BAP1: variants seen among roughly 807,000 people sequenced by gnomAD.
BAP1 encodes the protein ubiquitin carboxyl-terminal hydrolase BAP1.
A neutral mutation model predicts 77.2 loss-of-function variants in BAP1; 16 were observed. The ratio of observed to expected loss-of-function variants is 0.21; its 90% confidence interval spans 0.14 to 0.31. BAP1 has a LOEUF of 0.31. Ranked by LOEUF, BAP1 falls within the 10% of genes least tolerant of loss-of-function variation. The probability of loss-of-function intolerance (pLI) is 1.00; values close to 1 mark genes in which losing one functional copy is unlikely to be tolerated. For synonymous variants in BAP1, 362 were observed against 385.2 expected, an observed-to-expected ratio of 0.94 and a Z score of 0.71; for missense variants, 699 against 967.3, an observed-to-expected ratio of 0.72 and a Z score of 3.68.
chr3:52,405,948 T>G (rs752537268), intron 9 of BAP1, 36 bp from the exon 10 acceptor site: 1 of 1,613,010 alleles, frequency 6.2e-7, no homozygotes, highest in Non-Finnish European at 8.5e-7. Context: ...GGAGAAAGGG[T>G]AGACCCGGGC....
In BAP1 at chr3:52,406,143, A is replaced by G. The variant is rs1705148538; in HGVS notation, c.783+110T>C. The G allele has an allele frequency of 1.9e-6, 3 of 1,585,720 alleles. No individual in the cohort carries two copies. The African/African-American group carries it at 4.0e-5, about 21-fold the overall frequency. On this transcript the variant is annotated intron_variant, in intron 9 of 16. Coordinates refer to ENST00000460680, the MANE Select transcript of BAP1 (RefSeq NM_004656.4). This position sits in a 1 kb window ranked among gnomAD's most constrained non-coding sequence, Gnocchi z 4.6. ...GAAAAGATGTGGTTAGCTGAAGCCC[A>G]GATCTACAAGAGAGTATGTTCACGA...
chr3:52,402,962 G>A lies in BAP1; in HGVS notation c.1891-91C>T, dbSNP rs781565390. Reference sequence around the variant, plus strand: ...GCAGCTAGAGGCAAGGATGAGCAGCGAGTCCATGCCTATCAAGGCCCCTGC... The same window carrying A: ...GCAGCTAGAGGCAAGGATGAGCAGCAAGTCCATGCCTATCAAGGCCCCTGC... On this transcript the variant is annotated intron_variant, in intron 14 of 16. Transcript: ENST00000460680. This position sits in a 1 kb window ranked among gnomAD's most constrained non-coding sequence, Gnocchi z 5.3. 139 of 1,605,364 alleles carry A rather than the reference G, an allele frequency of 8.7e-5. No individual in the cohort carries two copies. The highest frequency in any genetic ancestry group is 4.9e-4 in the Middle Eastern group (3 of 6,082).
Position 52,407,458 on chromosome 3 carries a change from G to A in BAP1, c.378C>T (p.Ser126=), listed in dbSNP as rs746830670. ...GGGCATTGCCAATCGCATATCCTTT[G>A]CTCTACGGGGAAGAAAATAAGGCCG... The part of the protein sequence containing the change: ...KDFTKGFSPE[S]KGYAIGNAPE... Residue 126 remains serine, a splice_region_variant and synonymous_variant, in exon 6 of 17, where the codon AGC becomes AGT. Coordinates refer to ENST00000460680, the MANE Select transcript of BAP1 (RefSeq NM_004656.4). The A allele has an allele frequency of 1.2e-6, 2 of 1,614,180 alleles. No individual in the cohort carries two copies. Among genetic ancestry groups the A allele is most frequent in the East Asian group, 4.5e-5 (2 of 44,896 alleles).
In BAP1 at chr3:52,409,612, CGAT is replaced by C. The variant is rs1219104537; in HGVS notation, c.68-7_68-5del. 1.9e-6 allele frequency: 3 copies of C among 1,614,018 alleles called. No homozygotes were observed. The highest frequency in any genetic ancestry group is 2.5e-6 in the Non-Finnish European group (3 of 1,180,026). On this transcript the variant is annotated splice_region_variant and splice_polypyrimidine_tract_variant and intron_variant, in intron 2 of 16. Coordinates refer to ENST00000460680, the MANE Select transcript of BAP1 (RefSeq NM_004656.4). ...TCCACTTGCACCCCCTTGACACCTG[CGAT>C]GAGGAAAGGAAAGCAGTAGGGAAGG...
Position 52,402,233 on chromosome 3 carries a change from A to T in BAP1, c.*55T>A. 6.3e-7 allele frequency: 1 copy of T among 1,581,560 alleles called. No homozygotes were observed. Among genetic ancestry groups the T allele is most frequent in the Non-Finnish European group, 8.6e-7 (1 of 1,166,406 alleles). On this transcript the variant is annotated 3_prime_UTR_variant, in exon 17 of 17. Coordinates refer to ENST00000460680, the MANE Select transcript of BAP1 (RefSeq NM_004656.4). This position sits in a 1 kb window ranked among gnomAD's most constrained non-coding sequence, Gnocchi z 5.3. ...AAAAGGGGAAGTGGGGCAGGGAAGG[A>T]CCCTGGTGAGGGCCACACGGCAAGA... is the stretch of plus-strand genomic sequence containing the variant.
rs369259771 is a variant in BAP1, at chr3:52,403,280, G to A, written c.1748C>T (p.Ser583Leu). The A allele has an allele frequency of 3.1e-6, 5 of 1,613,808 alleles. No homozygotes were observed. Among genetic ancestry groups the A allele is most frequent in the Non-Finnish European group, 4.2e-6 (5 of 1,180,050 alleles). The change falls in exon 14 of 17, where the codon TCG (serine) becomes TTG (leucine). Residue 583 changes from serine to leucine, a missense_variant. Coordinates refer to ENST00000460680, the MANE Select transcript of BAP1 (RefSeq NM_004656.4). This position sits in a 1 kb window ranked among gnomAD's most constrained non-coding sequence, Gnocchi z 4.0. ...GCCTTGGATTGGTCTGATGGAGGGCGAGGAACCCTTCCCACCCTCTGGGAA... is the reference window on the plus strand; with the variant it reads ...GCCTTGGATTGGTCTGATGGAGGGCAAGGAACCCTTCCCACCCTCTGGGAA... ...LALTEGGKGS[S>L]PSIRPIQGSQ...
intron 10 of BAP1, 115 bp from the exon 11 acceptor site, chr3:52,405,409 G>A (rs970048071): frequency 8.5e-6 from 10 of 1,173,944 alleles, no homozygotes; most frequent in Non-Finnish European, 1.2e-5. Context: ...CAGCCAGCTG[G>A]TGCAATGGGA....
Position 52,406,052 on chromosome 3 carries a change from A to C in BAP1, c.784-140T>G. The C allele has an allele frequency of 6.7e-7, 1 of 1,498,406 alleles. No homozygotes were observed. The highest frequency in any genetic ancestry group is 1.2e-5 in the South Asian group (1 of 84,888). The allele number at this position is 1,498,406 out of a possible 1,614,324, so 92.8% of individuals were successfully genotyped here. On this transcript the variant is annotated intron_variant, in intron 9 of 16. Coordinates refer to ENST00000460680, the MANE Select transcript of BAP1 (RefSeq NM_004656.4). This position sits in a 1 kb window ranked among gnomAD's most constrained non-coding sequence, Gnocchi z 4.6. ...CAGGGAAATAAAACACCCAAACCCA[A>C]ACTTCCTTTTAGAAGCTATTCTCCC...
Position 52,406,084 on chromosome 3 carries a change from C to T in BAP1, c.783+169G>A, listed in dbSNP as rs1160763282. On this transcript the variant is annotated intron_variant, in intron 9 of 16. Transcript: ENST00000460680. The surrounding 1 kb of genome is among the most constrained non-coding windows in gnomAD (Gnocchi z 4.6). ...TTTTAGAAGCTATTCTCCCTCCCCACTCCAAGTCCCACCTTTCCCACAATG... is the reference window on the plus strand; with the variant it reads ...TTTTAGAAGCTATTCTCCCTCCCCATTCCAAGTCCCACCTTTCCCACAATG... 1.3e-5 allele frequency among the ~76,000 whole-genome samples: 2 copies of T among 152,230 alleles called. No homozygotes were observed. The highest frequency in any genetic ancestry group is 1.3e-4 in the Admixed American group (2 of 15,280).
In BAP1 at chr3:52,409,961, G is replaced by C. The variant is rs1323231069; in HGVS notation, c.-83C>G. Reference sequence around the variant, plus strand: ...CCCACCGGGAGCCCCCACCGCCCCCGGGGCCCCTCAGTCCCACACACAGAC... The same window carrying C: ...CCCACCGGGAGCCCCCACCGCCCCCCGGGCCCCTCAGTCCCACACACAGAC... On this transcript the variant is annotated 5_prime_UTR_variant, in exon 1 of 17. Transcript: ENST00000460680. 6.5e-7 allele frequency: 1 copy of C among 1,541,684 alleles called. No individual in the cohort carries two copies. The highest frequency in any genetic ancestry group is 8.7e-7 in the Non-Finnish European group (1 of 1,149,008).
In BAP1 at chr3:52,402,112, G is replaced by A. The variant is rs532291548; in HGVS notation, c.*176C>T. ...CTGAGCACTATGGGGCTGATCTGCC[G>A]TGTCAGGCCTCAGGGCACGATGGAA... On this transcript the variant is annotated 3_prime_UTR_variant, in exon 17 of 17. Transcript: ENST00000460680. This position sits in a 1 kb window ranked among gnomAD's most constrained non-coding sequence, Gnocchi z 5.3. The A allele has an allele frequency of 9.8e-6, 11 of 1,123,462 alleles. No homozygotes were observed. In the South Asian group the frequency reaches 1.1e-4, roughly 11 times the overall value. 69.6% of individuals were successfully genotyped at this position (1,123,462 alleles called of 1,614,324 possible). A position where few individuals can be genotyped will look rare whatever the true frequency, so the allele number is the denominator to read the frequency against.
rs1705166112 is a variant in BAP1, at chr3:52,406,546, A to G, written c.660-170T>C. The G allele has an allele frequency of 9.3e-7, 1 of 1,074,042 alleles. No individual in the cohort carries two copies. Among genetic ancestry groups the G allele is most frequent in the African/African-American group, 1.6e-5 (1 of 64,058 alleles). The allele number at this position is 1,074,042 out of a possible 1,614,324, so 66.5% of individuals were successfully genotyped here. A position where few individuals can be genotyped will look rare whatever the true frequency, so the allele number is the denominator to read the frequency against. On this transcript the variant is annotated intron_variant, in intron 8 of 16. Coordinates refer to ENST00000460680, the MANE Select transcript of BAP1 (RefSeq NM_004656.4). The surrounding 1 kb of genome is among the most constrained non-coding windows in gnomAD (Gnocchi z 4.6). ...ATACATGCCAGGCACCTGAGCTGGT[A>G]CCTTCCAACAAGCTGTATGAGGGGC...
chr3:52,404,966 G>T, intron 11 of BAP1, 144 bp downstream of exon 11: 1 of 1,096,822 alleles, frequency 9.1e-7, no homozygotes, highest in Non-Finnish European at 1.4e-6. Context: ...TTCATATCAG[G>T]CAGAGGAACC....
In BAP1 at chr3:52,406,846, G is replaced by A. The variant is rs200953639; in HGVS notation, c.642C>T (p.Ile214=). ...GCCCTTACCCTGCAGTGGCGAGGCC[G>A]ATACGCTCCATGATGACCCGCCGGG... ...DKARRVIMER[I]GLATAGEPYH... is the part of the protein sequence containing the mutation. Residue 214 remains isoleucine (I), a synonymous_variant, in exon 8 of 17, where the codon ATC becomes ATT. Transcript: ENST00000460680. The surrounding 1 kb of genome is among the most constrained non-coding windows in gnomAD (Gnocchi z 4.6). The A allele has an allele frequency of 1.1e-4, 164 of 1,559,538 alleles. No homozygotes were observed. The highest frequency in any genetic ancestry group is 2.1e-4 in the South Asian group (18 of 84,658).
Position 52,406,239 on chromosome 3 carries a change from G to T in BAP1, c.783+14C>A. On this transcript the variant is annotated intron_variant, in intron 9 of 16. Transcript: ENST00000460680. The surrounding 1 kb of genome is among the most constrained non-coding windows in gnomAD (Gnocchi z 4.6). ...GGTTGGGCTGGGCAGAGGCCAGGAA[G>T]AAAGGGCACCTACCTGCTGCAGAGC... The T allele has an allele frequency of 6.2e-7, 1 of 1,614,112 alleles. No homozygotes were observed. Among genetic ancestry groups the T allele is most frequent in the South Asian group, 1.1e-5 (1 of 91,082 alleles).
At chr3:52,409,484 G>A (rs1258368337) in intron 3 of BAP1, 70 bp downstream of exon 3, 36 of 1,589,228 alleles carry the variant, frequency 2.3e-5, no homozygotes, top group Admixed American at 3.3e-5. Context: ...CTTCCCTAAG[G>A]GGCCCTGTTC....
At chr3:52,409,247 ACACAACTG>A (rs1355495307) in intron 3 of BAP1, among the ~76,000 whole-genome samples, 1 of 152,240 alleles carries the variant, frequency 6.6e-6, no homozygotes, top group East Asian at 1.9e-4. Context: ...TTAATACATT[ACACAACTG>A]CACAAAAGAC....
chr3:52,407,089 G>C lies in BAP1; in HGVS notation c.580+85C>G, dbSNP rs1245136181. On this transcript the variant is annotated intron_variant, in intron 7 of 16. Transcript: ENST00000460680. ...CGGTACCGACAACCCCTGCCACTGG[G>C]TACCACATACCAGAGGGCCCTGAGC... 11 of 1,602,726 alleles carry C rather than the reference G, an allele frequency of 6.9e-6. No individual in the cohort carries two copies. In the African/African-American group the frequency reaches 1.2e-4, roughly 18 times the overall value.
intron 4 of BAP1, 67 bp downstream of exon 4, chr3:52,408,407 T>C: frequency 6.3e-7 from 1 of 1,583,878 alleles, no homozygotes; most frequent in Non-Finnish European, 8.6e-7. Context: ...TCTTCCTCCA[T>C]TTCCACTTCC....
Sources: gnomAD v4.1 joint callset for allele counts (sites outside exome capture counted in the v4.1 genomes callset) on GRCh38, gnomAD v4.1.1 for gene constraint, Gnocchi (gnomAD v3.1) non-coding constraint, MANE v1.5 for transcripts, NCBI Gene and HGNC (gene_info 2026-07-23, HGNC 2026-07-21) for gene names.